Variants in RPS6KA6 observed in about 807,000 individuals in gnomAD.
The protein encoded by RPS6KA6 is ribosomal protein S6 kinase alpha-6.
In RPS6KA6, 27 loss-of-function variants were observed where a neutral mutation model predicts 65.4. The ratio of observed to expected loss-of-function variants is 0.41; its 90% CI spans 0.30 to 0.57. The LOEUF is 0.57. RPS6KA6 is among the 20% of genes least tolerant of loss of function. The pLI is 0.24. For missense variants in RPS6KA6, 486 were observed against 555.6 expected (o/e 0.87, Z 1.26); for synonymous variants, 190 against 184.2 (o/e 1.03, Z -0.26).
Position 84,060,803 on chromosome X carries a change from G to A in RPS6KA6, c.*3474C>T, listed in dbSNP as rs1000350432. Reference sequence around the variant, plus strand: ...GAACTGAATTTAAAATTATCACCTTGTTAGATTGCCTGAAGATCCAGCAAC... The same window carrying A: ...GAACTGAATTTAAAATTATCACCTTATTAGATTGCCTGAAGATCCAGCAAC... On this transcript the variant is annotated 3_prime_UTR_variant, in exon 22 of 22. Coordinates refer to ENST00000262752, the MANE Select transcript of RPS6KA6 (RefSeq NM_014496.5). 1 of 111,981 alleles carries A rather than the reference G, an allele frequency of 8.9e-6. No individual in the cohort carries two copies. Among genetic ancestry groups the A allele is most frequent in the African/African-American group, 3.2e-5 (1 of 30,833 alleles). The allele number at this position is 111,981 out of a possible 1,213,427, so 9.2% of individuals were successfully genotyped here. A position where few individuals can be genotyped will look rare whatever the true frequency, so the allele number is the denominator to read the frequency against.
At chrX:84,104,113 G>A (rs988129779) in intron 17 of RPS6KA6, among the ~76,000 whole-genome samples, 9 of 110,597 alleles carry the variant, frequency 8.1e-5, no homozygotes, top group Admixed American at 7.7e-4. Context: ...ATTTAGGGAA[G>A]GAGCTGGCAA....
intron 1 of RPS6KA6, among the ~76,000 whole-genome samples, chrX:84,181,074 A>G (rs944355839): frequency 1.8e-5 from 2 of 111,753 alleles, no homozygotes; most frequent in Non-Finnish European, 3.8e-5. Flanking sequence ...TTTAAATGGA[A>G]TGGATTCCAA....
chrX:84,174,454 TCTCAGAATGGGACAAGAGTATACAGC>T (rs748336699), intron 1 of RPS6KA6, among the ~76,000 whole-genome samples: 5 of 110,935 alleles, frequency 4.5e-5, no homozygotes, highest in Admixed American at 9.6e-5. Flanking sequence ...TTTAAAAGAG[TCTCAGAATGGGACAAGAGTATACAGC>T]CTCCAAGCGA....
At chrX:84,131,892 C>T (rs775459096) in intron 8 of RPS6KA6, among the ~76,000 whole-genome samples, 22 of 111,718 alleles carry the variant, frequency 2.0e-4, no homozygotes, top group African/African-American at 6.8e-4. Flanking sequence ...TTTTCTAAGA[C>T]TTTAAACTTT....
intron 13 of RPS6KA6, 23 bp from the exon 14 acceptor site, chrX:84,107,063 T>C (rs750096605): frequency 8.6e-7 from 1 of 1,161,319 alleles, no homozygotes; most frequent in Admixed American, 2.4e-5. Flanking sequence ...TAATTACATT[T>C]AATTATAACT....
At chrX:84,070,944 T>C (rs1032023510) in intron 20 of RPS6KA6, among the ~76,000 whole-genome samples, 1 of 111,479 alleles carries the variant, frequency 9.0e-6, no homozygotes, top group Non-Finnish European at 1.9e-5. Flanking sequence ...ATATAATATG[T>C]CAACAGTTTT....
intron 1 of RPS6KA6, among the ~76,000 whole-genome samples, chrX:84,179,519 C>T (rs1365414016): frequency 8.9e-6 from 1 of 111,740 alleles, no homozygotes; most frequent in Non-Finnish European, 1.9e-5. Context: ...GAAAGAACTA[C>T]TGATACACAT....
At chrX:84,079,962 C>T (rs1049202390) in intron 20 of RPS6KA6, among the ~76,000 whole-genome samples, 4 of 111,992 alleles carry the variant, frequency 3.6e-5, no homozygotes, top group South Asian at 3.7e-4. Context: ...CCCAGCGCAG[C>T]GCTCGAGCTC....
At chrX:84,112,328 G>C (rs1366237881) in intron 12 of RPS6KA6, among the ~76,000 whole-genome samples, 2 of 111,626 alleles carry the variant, frequency 1.8e-5, no homozygotes, top group Non-Finnish European at 3.8e-5. Context: ...AGACCAAATG[G>C]ATGTTTACAG....
intron 5 of RPS6KA6, 94 bp from the exon 6 acceptor site, chrX:84,145,651 T>G (rs999054366): frequency 2.2e-6 from 1 of 447,369 alleles, no homozygotes; most frequent in Non-Finnish European, 3.6e-6. Flanking sequence ...AATTTTACAG[T>G]ATTTACTCAC....
intron 8 of RPS6KA6, among the ~76,000 whole-genome samples, chrX:84,124,158 C>T (rs1472958728): frequency 9.0e-6 from 1 of 111,461 alleles, no homozygotes; most frequent in East Asian, 2.8e-4. Context: ...CAGCGAATAC[C>T]TGTACAGTCT....
intron 20 of RPS6KA6, among the ~76,000 whole-genome samples, chrX:84,075,784 A>C (rs777472981): frequency 8.9e-6 from 1 of 112,330 alleles, no homozygotes; most frequent in African/African-American, 3.2e-5. Flanking sequence ...TTGTGTGAAC[A>C]TATCTTTCAA....
In RPS6KA6 at chrX:84,059,114, C is replaced by CTTTTTTTTTTTTTTTTTTTTT. The variant is rs200378989; in HGVS notation, c.*5142_*5162dup. 2 of 28,295 alleles carry CTTTTTTTTTTTTTTTTTTTTT rather than the reference C, an allele frequency of 7.1e-5. No homozygotes were observed. The highest frequency in any genetic ancestry group is 1.2e-4 in the Non-Finnish European group (2 of 16,809). 2.3% of individuals were successfully genotyped at this position (28,295 alleles called of 1,213,427 possible). A position where few individuals can be genotyped will look rare whatever the true frequency, so the allele number is the denominator to read the frequency against. On this transcript the variant is annotated 3_prime_UTR_variant, in exon 22 of 22. Coordinates refer to ENST00000262752, the MANE Select transcript of RPS6KA6 (RefSeq NM_014496.5). ...AACTTTTTAAATGGCTGTTTCTTTT[C>CTTTTTTTTTTTTTTTTTTTTT]TTTTTTTTTTTTTTTTTTTTTTTTT...
At chrX:84,148,451 CT>C (rs2035240080) in intron 3 of RPS6KA6, among the ~76,000 whole-genome samples, 1 of 111,254 alleles carries the variant, frequency 9.0e-6, no homozygotes, top group Non-Finnish European at 1.9e-5. Context: ...TATTTTCTCA[CT>C]TTTCTTAGAT....
chrX:84,141,838 G>A (rs1448335435), intron 6 of RPS6KA6, among the ~76,000 whole-genome samples: 2 of 110,930 alleles, frequency 1.8e-5, no homozygotes, highest in African/African-American at 3.3e-5. Context: ...TAAACCTAAA[G>A]GTTTATGTAC....
At position 84,096,252 on chromosome X, in the gene RPS6KA6, C is replaced by G; in HGVS notation, c.1913G>C (p.Gly638Ala). The G allele has an allele frequency of 8.3e-7, 1 of 1,200,356 alleles. No individual in the cohort carries two copies. The highest frequency in any genetic ancestry group is 1.8e-5 in the South Asian group (1 of 56,237). ...DTPEEILLRI[G>A]NGKFSLSGGN... ...ACCACTCAAAGAGAATTTTCCATTG[C>G]CTATACGCAGCAGTATCTCTTCAGG... is the stretch of plus-strand genomic sequence containing the variant. The change falls in exon 20 of 22, where the codon GGC (glycine) becomes GCC (alanine). Residue 638 changes from glycine (G) to alanine (A), a missense_variant. By Grantham distance (60) the Gly-to-Ala change is moderately conservative. Around this residue, in one of 3 missense-constraint regions of RPS6KA6, gnomAD observed 345 missense variants for 375.0 expected, o/e 0.92. Transcript: ENST00000262752.
intron 1 of RPS6KA6, among the ~76,000 whole-genome samples, chrX:84,180,566 C>T (rs2035836145): frequency 9.0e-6 from 1 of 111,323 alleles, no homozygotes; most frequent in Admixed American, 9.6e-5. Context: ...TAGAGTAATT[C>T]CTTATTTTAT....
At chrX:84,163,392 C>T (rs2035545266) in intron 2 of RPS6KA6, among the ~76,000 whole-genome samples, 1 of 110,249 alleles carries the variant, frequency 9.1e-6, no homozygotes, top group Non-Finnish European at 1.9e-5. Context: ...GTAATCCCAG[C>T]ACTTTGGGAG....
chrX:84,121,209 C>T (rs968222040), intron 8 of RPS6KA6, among the ~76,000 whole-genome samples: 2 of 111,823 alleles, frequency 1.8e-5, no homozygotes, highest in Non-Finnish European at 3.8e-5. Context: ...CACATATGCA[C>T]ACACCTCAAA....
Sources: gnomAD v4.1 joint callset for allele counts (sites outside exome capture counted in the v4.1 genomes callset) on GRCh38, gnomAD v4.1.1 for gene constraint, gnomAD v4.1.1 regional missense constraint, MANE v1.5 for transcripts, NCBI Gene and HGNC (gene_info 2026-07-23, HGNC 2026-07-21) for gene names.